The following NALCN variants were observed in gnomAD, a reference collection of about 807,000 sequenced individuals.
The protein encoded by NALCN is sodium leak channel, non-selective.
NALCN carries 111 observed loss-of-function variants against 225.3 expected under a neutral mutation model. The ratio of observed to expected loss-of-function variants is 0.49; its 90% confidence interval spans 0.42 to 0.58. The LOEUF (loss-of-function observed/expected upper bound fraction) is 0.58, where lower values mean the gene tolerates loss of function less well. Among genes scored for constraint, NALCN ranks in the 20% least tolerant of loss-of-function variants. The pLI, the probability that NALCN is intolerant of heterozygous loss-of-function variation, is 0.00. For missense variants in NALCN, 1,378 were observed against 2,202.4 expected, an observed-to-expected ratio of 0.63 and a Z score of 7.49; for synonymous variants, 764 against 769.0, an observed-to-expected ratio of 0.99 and a Z score of 0.11.
chr13:101,167,390 G>T (rs574293298), intron 15 of NALCN, among the ~76,000 whole-genome samples: 17 of 152,202 alleles, frequency 1.1e-4, no homozygotes, highest in Non-Finnish European at 2.2e-4. Context: ...TTACAATAGG[G>T]TTTATAAATT....
At chr13:101,211,818 A>G (rs927431804) in intron 13 of NALCN, among the ~76,000 whole-genome samples, 1 of 152,020 alleles carries the variant, frequency 6.6e-6, no homozygotes, top group Admixed American at 6.6e-5. Context: ...CCTCACAGAA[A>G]AAAATATAAA....
chr13:101,202,255 T>C (rs186339905), intron 13 of NALCN, among the ~76,000 whole-genome samples: 15 of 152,294 alleles, frequency 9.8e-5, no homozygotes, highest in African/African-American at 3.1e-4. Context: ...TTCTAAAAAG[T>C]ATATTGGTTG....
intron 7 of NALCN, among the ~76,000 whole-genome samples, chr13:101,294,991 G>A (rs1191388363): frequency 6.6e-6 from 1 of 152,128 alleles, no homozygotes; most frequent in Non-Finnish European, 1.5e-5. Flanking sequence ...AAGGGAGTAT[G>A]CCTTAACCCT....
chr13:101,169,458 C>T (rs777053739), intron 15 of NALCN, among the ~76,000 whole-genome samples: 2 of 152,240 alleles, frequency 1.3e-5, no homozygotes, highest in Non-Finnish European at 2.9e-5. Context: ...ATCAAACCAT[C>T]ATCTATGTAT....
chr13:101,366,847 G>T (rs2046389340), intron 6 of NALCN, among the ~76,000 whole-genome samples: 1 of 152,044 alleles, frequency 6.6e-6, no homozygotes, highest in African/African-American at 2.4e-5. Context: ...TTGTCACCCT[G>T]TTGTGCATGG....
intron 3 of NALCN, among the ~76,000 whole-genome samples, chr13:101,379,400 C>G (rs1434211317): frequency 6.6e-6 from 1 of 152,030 alleles, no homozygotes; most frequent in South Asian, 2.1e-4. Context: ...CATTCTAGTA[C>G]AAGGACACAT....
At chr13:101,262,711 T>C (rs1393402708) in intron 10 of NALCN, among the ~76,000 whole-genome samples, 1 of 152,160 alleles carries the variant, frequency 6.6e-6, no homozygotes, top group African/African-American at 2.4e-5. Flanking sequence ...TGCCAATGTC[T>C]CCATGACTCT....
chr13:101,378,531 G>A, intron 4 of NALCN, 39 bp downstream of exon 4: 1 of 1,489,758 alleles, frequency 6.7e-7, no homozygotes, highest in Non-Finnish European at 9.2e-7. Context: ...TTCCCATTTT[G>A]GAGAATACCT....
intron 31 of NALCN, 134 bp downstream of exon 31, chr13:101,083,577 G>A: frequency 1.3e-6 from 1 of 785,602 alleles, no homozygotes; most frequent in African/African-American, 1.7e-5. Context: ...CTGTGGTTTG[G>A]AGCCTGTTTC....
At chr13:101,318,365 C>T (rs976538203) in intron 7 of NALCN, among the ~76,000 whole-genome samples, 3 of 152,140 alleles carry the variant, frequency 2.0e-5, no homozygotes, top group Non-Finnish European at 4.4e-5. Context: ...GCATGGGCGC[C>T]GGCTCCCTGC....
intron 10 of NALCN, among the ~76,000 whole-genome samples, chr13:101,260,922 G>A (rs1011886221): frequency 1.3e-5 from 2 of 152,070 alleles, no homozygotes; most frequent in African/African-American, 4.8e-5. Flanking sequence ...GGTGCTTATG[G>A]GGGTATTGCT....
At chr13:101,177,207 A>G (rs2139942645) in intron 14 of NALCN, among the ~76,000 whole-genome samples, 1 of 152,188 alleles carries the variant, frequency 6.6e-6, no homozygotes, top group African/African-American at 2.4e-5. Flanking sequence ...CAACATCTCA[A>G]CTGCAACCTC....
chr13:101,399,266 G>A, intron 1 of NALCN, 101 bp from the exon 2 acceptor site: 1 of 679,558 alleles, frequency 1.5e-6, no homozygotes, highest in Admixed American at 2.8e-5. Context: ...GCATATATGT[G>A]TTCTACTCCA....
intron 17 of NALCN, among the ~76,000 whole-genome samples, chr13:101,129,241 G>A (rs1048210928): frequency 1.3e-5 from 2 of 152,140 alleles, no homozygotes; most frequent in Non-Finnish European, 2.9e-5. Context: ...CTTGATTATC[G>A]ACTTTTACTT....
chr13:101,094,781 C>T (rs2034417680), intron 28 of NALCN, among the ~76,000 whole-genome samples: 1 of 152,164 alleles, frequency 6.6e-6, no homozygotes, highest in Admixed American at 6.5e-5. Context: ...TAGGGTACAG[C>T]TGGGTGAAAT....
At chr13:101,124,584 T>A (rs770320396) in intron 18 of NALCN, 24 bp downstream of exon 18, 1 of 1,590,636 alleles carries the variant, frequency 6.3e-7, no homozygotes, top group Admixed American at 1.7e-5. Flanking sequence ...TGTTTAAATA[T>A]GTGTCAACAT....
chr13:101,272,075 G>A (rs947430747), intron 10 of NALCN, among the ~76,000 whole-genome samples: 3 of 151,670 alleles, frequency 2.0e-5, no homozygotes, highest in South Asian at 4.2e-4. Flanking sequence ...AAGTGTGTAG[G>A]CATGTGTATG....
rs1425634316 is a variant in NALCN at position 101,054,192 on chromosome 13, G to A, written c.*1103C>T. On this transcript the variant is annotated 3_prime_UTR_variant, in exon 44 of 44. Coordinates refer to ENST00000251127, the MANE Select transcript of NALCN (RefSeq NM_052867.4). ...ATTTTGCTTTTCTAATTTTCCCGGA[G>A]GACATGGGCCATTGACATATAAGGA... 1 of 152,016 alleles carries A rather than the reference G, an allele frequency of 6.6e-6. No homozygotes were observed. The highest frequency in any genetic ancestry group is 1.5e-5 in the Non-Finnish European group (1 of 68,032). 9.4% of individuals were successfully genotyped at this position (152,016 alleles called of 1,614,324 possible). A position where few individuals can be genotyped will look rare whatever the true frequency, so the allele number is the denominator to read the frequency against.
chr13:101,331,562 G>T (rs1415685070), intron 7 of NALCN, among the ~76,000 whole-genome samples: 1 of 151,976 alleles, frequency 6.6e-6, no homozygotes, highest in Non-Finnish European at 1.5e-5. Context: ...TGTAACCCAG[G>T]GTCCCTGGGT....
Sources: allele counts gnomAD v4.1 joint callset (sites outside exome capture counted in the v4.1 genomes callset), GRCh38; gene constraint gnomAD v4.1.1; transcripts MANE v1.5; gene names NCBI Gene and HGNC (gene_info 2026-07-23, HGNC 2026-07-21).